PGS1: variants seen among roughly 807,000 people sequenced by gnomAD.
PGS1 encodes CDP-diacylglycerol--glycerol-3-phosphate 3-phosphatidyltransferase, mitochondrial.
PGS1 carries 44 observed loss-of-function variants against 58.3 expected under a neutral mutation model. The observed-to-expected ratio is 0.75, with a 90% CI of 0.59 to 0.97. PGS1 has a LOEUF of 0.97. PGS1 is among the 50% of genes least tolerant of loss of function. The pLI, the probability that PGS1 is intolerant of heterozygous loss-of-function variation, is 0.00. For missense variants in PGS1, 684 were observed against 731.1 expected (o/e 0.94, Z 0.74); for synonymous variants, 330 against 311.0 (o/e 1.06, Z -0.64).
chr17:78,424,509 G>A lies in PGS1; in HGVS notation c.*459G>A, dbSNP rs542645581. 7.3e-6 allele frequency: 2 copies of A among 273,488 alleles called. No homozygotes were observed. Among genetic ancestry groups the A allele is most frequent in the Non-Finnish European group, 1.4e-5 (2 of 142,406 alleles). 16.9% of individuals were successfully genotyped at this position (273,488 alleles called of 1,614,324 possible). On this transcript the variant is annotated 3_prime_UTR_variant, in exon 10 of 10. Transcript: ENST00000262764. ...AGTTCCCTGATTCTTAATGTGTAATGTCTGCCCTATGTGTACATACACAAT... is the reference window on the plus strand; with the variant it reads ...AGTTCCCTGATTCTTAATGTGTAATATCTGCCCTATGTGTACATACACAAT...
At chr17:78,387,376 T>A (rs950266911) in intron 1 of PGS1, among the ~76,000 whole-genome samples, 1 of 150,904 alleles carries the variant, frequency 6.6e-6, no homozygotes, top group Non-Finnish European at 1.5e-5. Context: ...CTGGGCTCAC[T>A]GCAACCTCCG....
chr17:78,422,465 T>G (rs995939128), intron 9 of PGS1, among the ~76,000 whole-genome samples: 8 of 152,196 alleles, frequency 5.3e-5, no homozygotes, highest in African/African-American at 1.9e-4. Flanking sequence ...ATGATCAAGC[T>G]GAACGTAGAA....
chr17:78,393,058 C>T (rs1307798762), intron 2 of PGS1, among the ~76,000 whole-genome samples: 7 of 148,874 alleles, frequency 4.7e-5, no homozygotes, highest in Non-Finnish European at 8.9e-5. Flanking sequence ...GCCTAGACTT[C>T]GATTCTTTTT....
chr17:78,421,330 G>A (rs1390422404), intron 9 of PGS1: 2 of 152,262 alleles, frequency 1.3e-5, no homozygotes, highest in Non-Finnish European at 2.9e-5. Flanking sequence ...AGTGAGATTA[G>A]ATTTAGTCCC....
In PGS1 at chr17:78,404,065, A is replaced by T. The variant is rs1390641083; in HGVS notation, c.1378A>T (p.Arg460Trp). Reference sequence around the variant, plus strand: ...GGTCCAGCTTCAGGAGTACTGGCGGAGGGGCTGGACGTTCCACGCCAAAGG... The same window carrying T: ...GGTCCAGCTTCAGGAGTACTGGCGGTGGGGCTGGACGTTCCACGCCAAAGG... The part of the protein sequence containing the change: ...ERVQLQEYWR[R>W]GWTFHAKGLW... The change falls in exon 7 of 10, where the codon AGG (arginine) becomes TGG (tryptophan). Residue 460 changes from arginine (R) to tryptophan (W), a missense_variant. Coordinates refer to ENST00000262764, the MANE Select transcript of PGS1 (RefSeq NM_024419.5). 11 of 1,594,200 alleles carry T rather than the reference A, an allele frequency of 6.9e-6. No homozygotes were observed. Among genetic ancestry groups the T allele is most frequent in the Non-Finnish European group, 8.6e-6 (10 of 1,169,484 alleles).
intron 8 of PGS1, among the ~76,000 whole-genome samples, chr17:78,418,461 G>A (rs183392955): frequency 5.8e-4 from 89 of 152,204 alleles, no homozygotes; most frequent in Non-Finnish European, 1.1e-3. Flanking sequence ...TTTGCCTGCC[G>A]ATTTCTGGGC....
At chr17:78,389,883 T>G (rs905899570) in intron 1 of PGS1, among the ~76,000 whole-genome samples, 1 of 152,208 alleles carries the variant, frequency 6.6e-6, no homozygotes, top group Non-Finnish European at 1.5e-5. Context: ...CCCAAAGTGC[T>G]AAGATTATAG....
intron 8 of PGS1, among the ~76,000 whole-genome samples, chr17:78,418,534 G>C (rs2085405505): frequency 6.6e-6 from 1 of 152,092 alleles, no homozygotes; most frequent in Non-Finnish European, 1.5e-5. Context: ...CATATGAGTT[G>C]TTAATAAGTT....
At chr17:78,409,062 G>C (rs1462461435) in intron 7 of PGS1, among the ~76,000 whole-genome samples, 1 of 152,206 alleles carries the variant, frequency 6.6e-6, no homozygotes, top group East Asian at 1.9e-4. Context: ...GTGCAGGGGA[G>C]GCTGAGTATG....
chr17:78,412,339 A>T (rs2084785465), intron 7 of PGS1, among the ~76,000 whole-genome samples: 1 of 152,134 alleles, frequency 6.6e-6, no homozygotes, highest in Admixed American at 6.6e-5. Flanking sequence ...GTATGTTGAA[A>T]ACGTGAGCTA....
In PGS1 at chr17:78,399,340, G is replaced by A. The variant is rs2292643; in HGVS notation, c.512-8G>A. The A allele has an allele frequency of 0.61, 974,228 of 1,601,748 alleles. 298,432 individuals are homozygous for A. The highest frequency in any genetic ancestry group is 0.67 in the Middle Eastern group (4,047 of 6,022). ...GAGTCAGGTGCCGTTTTCTCTGTCC[G>A]TGTTCAGGCCGGAAGAACTCCCGCA... On this transcript the variant is annotated splice_polypyrimidine_tract_variant and splice_region_variant and intron_variant, in intron 4 of 9. Coordinates refer to ENST00000262764, the MANE Select transcript of PGS1 (RefSeq NM_024419.5).
chr17:78,400,306 A>G lies in PGS1; in HGVS notation c.702-371A>G, dbSNP rs2083556359. The stretch of plus-strand genomic sequence containing the variant: ...AGGCTGAGGCAGGAGGATCACTTGA[A>G]CCTGGGAGGCGGAGGCTGCAGGGAG... On this transcript the variant is annotated intron_variant, in intron 5 of 9. Coordinates refer to ENST00000262764, the MANE Select transcript of PGS1 (RefSeq NM_024419.5). This position sits in a 1 kb window ranked among gnomAD's most constrained non-coding sequence, Gnocchi z 4.4. Among the ~76,000 whole-genome samples, 1 of 151,692 alleles carries G rather than the reference A, an allele frequency of 6.6e-6. No individual in the cohort carries two copies. The highest frequency in any genetic ancestry group is 6.6e-5 in the Admixed American group (1 of 15,210).
chr17:78,419,396 A>G (rs771126644), intron 8 of PGS1, 150 bp from the exon 9 acceptor site: 13 of 686,410 alleles, frequency 1.9e-5, no homozygotes, highest in Admixed American at 9.2e-5. Context: ...CTTGCCTGCC[A>G]CCAGAGCACC....
chr17:78,382,107 G>A (rs979033114), intron 1 of PGS1, among the ~76,000 whole-genome samples: 8 of 152,168 alleles, frequency 5.3e-5, no homozygotes, highest in Non-Finnish European at 1.0e-4. Context: ...AGTTAGGCTC[G>A]GTGAAGAAGA....
chr17:78,391,346 C>G (rs1465202867), intron 1 of PGS1, among the ~76,000 whole-genome samples: 1 of 152,178 alleles, frequency 6.6e-6, no homozygotes, highest in Non-Finnish European at 1.5e-5. Context: ...GAGACAGGGT[C>G]TCGCTGTGCC....
In PGS1 at chr17:78,411,449, G is replaced by A. The variant is rs59151397; in HGVS notation, c.1403-3430G>A. Among the ~76,000 whole-genome samples, 51 of 152,262 alleles carry A rather than the reference G, an allele frequency of 3.3e-4. 1 individual carries two copies. In the East Asian group the frequency reaches 4.0e-3, roughly 12 times the overall value. Reference sequence around the variant, plus strand: ...CTCCAGGTCCTCCTCTGGTGTCCCCGCGACACTTGATTTATAGTGAGTGAG... The same window carrying A: ...CTCCAGGTCCTCCTCTGGTGTCCCCACGACACTTGATTTATAGTGAGTGAG... On this transcript the variant is annotated intron_variant, in intron 7 of 9. Transcript: ENST00000262764.
intron 7 of PGS1, among the ~76,000 whole-genome samples, chr17:78,409,119 A>G (rs1179612936): frequency 6.6e-6 from 1 of 152,186 alleles, no homozygotes; most frequent in Non-Finnish European, 1.5e-5. Context: ...TTTCTGCTCC[A>G]TGGAGGTGAG....
chr17:78,382,519 C>T (rs1471572598), intron 1 of PGS1: 1 of 151,972 alleles, frequency 6.6e-6, no homozygotes, highest in Non-Finnish European at 1.5e-5. Flanking sequence ...AATCAGTATC[C>T]AGGTTCCTCT....
chr17:78,388,921 C>T (rs2082599320), intron 1 of PGS1, among the ~76,000 whole-genome samples: 1 of 152,140 alleles, frequency 6.6e-6, no homozygotes, highest in African/African-American at 2.4e-5. Context: ...CAGAGACTGC[C>T]TGGTTCTTCA....
Sources: gnomAD v4.1 joint callset for allele counts (sites outside exome capture counted in the v4.1 genomes callset) on GRCh38, gnomAD v4.1.1 for gene constraint, Gnocchi (gnomAD v3.1) non-coding constraint, MANE v1.5 for transcripts, NCBI Gene and HGNC (gene_info 2026-07-23, HGNC 2026-07-21) for gene names.